The following EFHD1 variants were observed in gnomAD, a reference collection of about 807,000 sequenced individuals.
EFHD1 encodes EF-hand domain-containing protein D1.
In EFHD1, 10 loss-of-function variants were observed where a neutral mutation model predicts 17.2. That is an observed-to-expected ratio of 0.58 (90% CI 0.36 to 0.99). The LOEUF (loss-of-function observed/expected upper bound fraction) is 0.99. Ranked by LOEUF, EFHD1 falls within the 50% of genes least tolerant of loss-of-function variation. The pLI, the probability that EFHD1 is intolerant of heterozygous loss-of-function variation, is 0.01. For missense variants in EFHD1, 310 were observed against 327.5 expected, an observed-to-expected ratio of 0.95 and a Z score of 0.41; for synonymous variants, 153 against 142.0, an observed-to-expected ratio of 1.08 and a Z score of -0.55.
upstream of EFHD1, among the ~76,000 whole-genome samples, chr2:232,631,045 G>C (rs1694191984): frequency 6.6e-6 from 1 of 151,988 alleles, no homozygotes; most frequent in Admixed American, 6.6e-5. Flanking sequence ...GGCCAACATG[G>C]TGAAACCCCG....
intron 1 of EFHD1, among the ~76,000 whole-genome samples, chr2:232,654,369 C>G (rs1694716339): frequency 1.3e-5 from 2 of 151,132 alleles, no homozygotes. Context: ...AGACTCCTCT[C>G]AGTTCGAACC....
At chr2:232,678,252 T>G (rs2106220929) in intron 3 of EFHD1, among the ~76,000 whole-genome samples, 1 of 150,410 alleles carries the variant, frequency 6.6e-6, no homozygotes, top group African/African-American at 2.4e-5. Context: ...GGTGACAGAG[T>G]AAGACTCCAT....
intron 1 of EFHD1, among the ~76,000 whole-genome samples, chr2:232,656,629 G>T (rs1260222864): frequency 6.6e-6 from 1 of 151,820 alleles, no homozygotes; most frequent in Non-Finnish European, 1.5e-5. Flanking sequence ...AAGAGACAGG[G>T]TCTCACTATG....
chr2:232,669,030 G>T (rs1339626862), intron 2 of EFHD1, among the ~76,000 whole-genome samples: 1 of 152,150 alleles, frequency 6.6e-6, no homozygotes, highest in East Asian at 1.9e-4. Flanking sequence ...CAAGGAGGTG[G>T]GGCCTTCTGT....
chr2:232,630,311 G>A (rs114239017), upstream of EFHD1, among the ~76,000 whole-genome samples: 74 of 152,350 alleles, frequency 4.9e-4, no homozygotes, highest in African/African-American at 1.7e-3. Context: ...AGGAGAAGGA[G>A]AACAGGCTTT....
At chr2:232,675,924 G>A (rs977282624) in intron 3 of EFHD1, among the ~76,000 whole-genome samples, 2 of 152,024 alleles carry the variant, frequency 1.3e-5, no homozygotes, top group Non-Finnish European at 2.9e-5. Context: ...ATCTGTAATC[G>A]CAGCACTTTA....
intron 1 of EFHD1, among the ~76,000 whole-genome samples, chr2:232,654,412 C>G (rs1283083813): frequency 2.8e-4 from 32 of 114,010 alleles, no homozygotes; most frequent in African/African-American, 1.0e-3. Flanking sequence ...TCTTTTCTTT[C>G]TTTCTTTTTT....
chr2:232,638,463 G>A (rs1694360220), intron 1 of EFHD1: 1 of 471,124 alleles, frequency 2.1e-6, no homozygotes, highest in Admixed American at 2.3e-5. Flanking sequence ...GCGTTACCAA[G>A]ACACCAGTGA....
intron 3 of EFHD1, among the ~76,000 whole-genome samples, 162 bp downstream of exon 3, chr2:232,672,605 T>G (rs150819715): frequency 4.3e-4 from 66 of 152,162 alleles, no homozygotes; most frequent in African/African-American, 1.4e-3. Flanking sequence ...CCAGTCCACC[T>G]GAGTTCAGAC....
chr2:232,638,495 C>T (rs1046384441), intron 1 of EFHD1: 10 of 470,438 alleles, frequency 2.1e-5, no homozygotes, highest in African/African-American at 1.4e-4. Context: ...GTGAGGCTGT[C>T]GTGGAATTCT....
intron 1 of EFHD1, among the ~76,000 whole-genome samples, chr2:232,608,991 G>C (rs1201650991): frequency 6.7e-6 from 1 of 149,108 alleles, no homozygotes; most frequent in Admixed American, 6.7e-5. Flanking sequence ...CAATACATTT[G>C]AATGGATGAA....
intron 3 of EFHD1, among the ~76,000 whole-genome samples, chr2:232,673,499 C>T (rs531430487): frequency 5.3e-5 from 8 of 152,266 alleles, no homozygotes; most frequent in African/African-American, 9.6e-5. Flanking sequence ...AATGCTGCCA[C>T]GCCTTTCCCA....
chr2:232,633,824 C>T lies in EFHD1; in HGVS notation c.120C>T (p.Pro40=), dbSNP rs951833356. 1.0e-5 allele frequency: 15 copies of T among 1,475,356 alleles called. No individual in the cohort carries two copies. The highest frequency in any genetic ancestry group is 4.4e-5 in the African/African-American group (3 of 67,722). 91.4% of individuals were successfully genotyped at this position (1,475,356 alleles called of 1,614,324 possible). ...GAPAPEPKPE[P]EPPARAPTAS... is the part of the protein sequence containing the mutation. Reference sequence around the variant, plus strand: ...CAGCCCCGGAGCCCAAGCCCGAGCCCGAGCCTCCCGCCCGTGCGCCCACGG... The same window carrying T: ...CAGCCCCGGAGCCCAAGCCCGAGCCTGAGCCTCCCGCCCGTGCGCCCACGG... Residue 40 remains proline, a synonymous_variant, in exon 1 of 4, where the codon CCC becomes CCT. Transcript: ENST00000264059.
At chr2:232,640,462 T>C (rs984432525) in intron 1 of EFHD1, among the ~76,000 whole-genome samples, 1 of 152,190 alleles carries the variant, frequency 6.6e-6, no homozygotes, top group African/African-American at 2.4e-5. Flanking sequence ...CATATCATGA[T>C]GATGATGACG....
At chr2:232,623,673 C>CAAAAAAAAA (rs756932393) in intron 1 of EFHD1, among the ~76,000 whole-genome samples, 1 of 86,644 alleles carries the variant, frequency 1.2e-5, no homozygotes, top group African/African-American at 4.5e-5. Context: ...AGTCTCTGTC[C>CAAAAAAAAA]AAAAAAAAAA....
chr2:232,618,737 ATT>A (rs999385523), intron 1 of EFHD1, among the ~76,000 whole-genome samples: 9 of 145,134 alleles, frequency 6.2e-5, no homozygotes, highest in South Asian at 2.1e-4. Flanking sequence ...AAAAAAAAAA[ATT>A]TTGAAAAAAG....
chr2:232,621,319 C>G (rs926855352), intron 1 of EFHD1, among the ~76,000 whole-genome samples: 1 of 152,166 alleles, frequency 6.6e-6, no homozygotes, highest in East Asian at 1.9e-4. Flanking sequence ...CAACCTCAGC[C>G]GCCACCTGTG....
chr2:232,667,376 G>C (rs1229064937), intron 2 of EFHD1, among the ~76,000 whole-genome samples: 1 of 152,132 alleles, frequency 6.6e-6, no homozygotes, highest in Non-Finnish European at 1.5e-5. Flanking sequence ...ATAATGCAAT[G>C]TGGGGTGCCC....
chr2:232,631,062 C>A (rs1694192363), upstream of EFHD1, among the ~76,000 whole-genome samples: 1 of 151,984 alleles, frequency 6.6e-6, no homozygotes, highest in Admixed American at 6.6e-5. Context: ...CCCGTCTCTA[C>A]TAAAAATATA....
Sources: gnomAD v4.1 joint callset for allele counts (sites outside exome capture counted in the v4.1 genomes callset) on GRCh38, gnomAD v4.1.1 for gene constraint, MANE v1.5 for transcripts, NCBI Gene and HGNC (gene_info 2026-07-23, HGNC 2026-07-21) for gene names.